DACH2: variants seen among roughly 807,000 people sequenced by gnomAD.
DACH2 encodes the protein dachshund family transcription factor 2, also known as dachshund homolog 2.
A neutral mutation model predicts 35.8 loss-of-function variants in DACH2; 17 were observed. The ratio of observed to expected loss-of-function variants is 0.48; its 90% CI spans 0.33 to 0.71. The LOEUF (loss-of-function observed/expected upper bound fraction) is 0.71. DACH2 is among the 30% of genes least tolerant of loss of function. DACH2 has a pLI of 0.02. For missense variants in DACH2, 469 were observed against 472.7 expected (o/e 0.99, Z 0.07); for synonymous variants, 195 against 177.3 (o/e 1.10, Z -0.79).
chrX:86,462,661 G>A (rs2037595893), intron 2 of DACH2, among the ~76,000 whole-genome samples: 1 of 111,421 alleles, frequency 9.0e-6, no homozygotes, highest in Non-Finnish European at 1.9e-5. Flanking sequence ...GTGTTTGGAT[G>A]CCCTGCTCAT....
At chrX:86,487,235 G>A (rs1310489746) in intron 2 of DACH2, among the ~76,000 whole-genome samples, 1 of 111,647 alleles carries the variant, frequency 9.0e-6, no homozygotes, top group African/African-American at 3.3e-5. Flanking sequence ...CATTGGAATT[G>A]TACTCACTTT....
intron 1 of DACH2, among the ~76,000 whole-genome samples, chrX:86,274,465 CTTTTTTTTTTGAGACGGAGTCTTTCTGT>C (rs2033873542): frequency 7.3e-5 from 1 of 13,738 alleles, no homozygotes; most frequent in Non-Finnish European, 1.2e-4. Flanking sequence ...TTTTTTTTTT[CTTTTTTTTTTGAGACGGAGTCTTTCTGT>C]TTTTTTTTTT....
intron 1 of DACH2, among the ~76,000 whole-genome samples, chrX:86,339,306 A>G (rs1301034624): frequency 1.8e-5 from 2 of 112,100 alleles, no homozygotes; most frequent in Admixed American, 9.5e-5. Context: ...TTCTCAAGAG[A>G]TCAGAGCAAG....
At chrX:86,316,570 T>C (rs2034911108) in intron 1 of DACH2, among the ~76,000 whole-genome samples, 1 of 111,724 alleles carries the variant, frequency 9.0e-6, no homozygotes, top group Non-Finnish European at 1.9e-5. Flanking sequence ...CTTTCTATCT[T>C]CTACAACTTA....
At chrX:86,398,756 A>T (rs1232218124) in intron 2 of DACH2, among the ~76,000 whole-genome samples, 2 of 111,994 alleles carry the variant, frequency 1.8e-5, no homozygotes, top group Non-Finnish European at 3.8e-5. Context: ...TCTGAGAGAC[A>T]GTTTGTTACA....
chrX:86,543,511 G>A (rs761917425), intron 3 of DACH2, among the ~76,000 whole-genome samples: 8 of 110,537 alleles, frequency 7.2e-5, no homozygotes, highest in African/African-American at 2.6e-4. Flanking sequence ...TAGAATTCAG[G>A]ATATGGATAG....
rs1445199127 is a variant in DACH2, at chrX:86,562,690, G to A, written c.640+48299G>A. On this transcript the variant is annotated intron_variant, in intron 3 of 11. Transcript: ENST00000373125. ...TGGTATTCTAGTTTTTAATCCAAGAGAGTTTTAATCCAAGCTTAGGAAGGT... is the reference window on the plus strand; with the variant it reads ...TGGTATTCTAGTTTTTAATCCAAGAAAGTTTTAATCCAAGCTTAGGAAGGT... Among the ~76,000 whole-genome samples, 3 of 111,354 alleles carry A rather than the reference G, an allele frequency of 2.7e-5. No individual in the cohort carries two copies. In the East Asian group the frequency reaches 8.6e-4, roughly 32 times the overall value.
chrX:86,379,649 G>C (rs1187444343), intron 2 of DACH2, among the ~76,000 whole-genome samples: 4 of 110,377 alleles, frequency 3.6e-5, no homozygotes, highest in African/African-American at 1.3e-4. Context: ...AAAAAGAAAA[G>C]TAAAAAAAGA....
intron 1 of DACH2, among the ~76,000 whole-genome samples, chrX:86,325,173 A>T (rs1431709849): frequency 4.5e-5 from 5 of 111,454 alleles, no homozygotes; most frequent in Non-Finnish European, 1.9e-5. Flanking sequence ...ATATCTCCAA[A>T]CCCGTATTTC....
chrX:86,308,830 T>C (rs183526323), intron 1 of DACH2, among the ~76,000 whole-genome samples: 32 of 111,619 alleles, frequency 2.9e-4, no homozygotes, highest in African/African-American at 1.0e-3. Context: ...AATGTGGTCC[T>C]TCAGTTAAAG....
rs762818278 is a variant in DACH2, at chrX:86,404,663, C to G, written c.527+27801C>G. On this transcript the variant is annotated intron_variant, in intron 2 of 11. Coordinates refer to ENST00000373125, the MANE Select transcript of DACH2 (RefSeq NM_053281.3). ...GGGTTTTCCAGGTGCACGATGCAAG[C>G]TGTTGTTGGATCTAACGTTCTGGGA... Among the ~76,000 whole-genome samples the G allele has an allele frequency of 4.8e-4, 54 of 111,714 alleles. 1 individual carries two copies. Among genetic ancestry groups the G allele is most frequent in the African/African-American group, 6.2e-4 (19 of 30,744 alleles).
intron 1 of DACH2, among the ~76,000 whole-genome samples, chrX:86,218,674 C>A (rs1440807826): frequency 8.9e-6 from 1 of 112,155 alleles, no homozygotes; most frequent in Non-Finnish European, 1.9e-5. Context: ...TTGAAGTTCT[C>A]AAATCCCACT....
At chrX:86,479,226 C>T (rs1268479561) in intron 2 of DACH2, among the ~76,000 whole-genome samples, 1 of 110,929 alleles carries the variant, frequency 9.0e-6, no homozygotes, top group African/African-American at 3.3e-5. Context: ...TGTGTGTGCC[C>T]GCTAGGGTCT....
chrX:86,429,181 G>A (rs887243825), intron 2 of DACH2, among the ~76,000 whole-genome samples: 5 of 110,271 alleles, frequency 4.5e-5, no homozygotes, highest in Middle Eastern at 4.7e-3. Flanking sequence ...GTGGGCTTCG[G>A]AAAATGCAGA....
At chrX:86,205,480 CCCTCCTTCCCTCCTTCCT>C in intron 1 of DACH2, among the ~76,000 whole-genome samples, 4 of 51,662 alleles carry the variant, frequency 7.7e-5, no homozygotes, top group African/African-American at 5.5e-4. Context: ...TTCCCTCCTT[CCCTCCTTCCCTCCTTCCT>C]TCCTTCCTTC....
intron 3 of DACH2, among the ~76,000 whole-genome samples, chrX:86,531,260 G>T (rs981299706): frequency 8.9e-6 from 1 of 112,069 alleles, no homozygotes; most frequent in Non-Finnish European, 1.9e-5. Context: ...ACAGAAATTT[G>T]CATGAGTAAC....
chrX:86,484,562 G>T (rs976727525), intron 2 of DACH2, among the ~76,000 whole-genome samples: 1 of 112,103 alleles, frequency 8.9e-6, no homozygotes, highest in Non-Finnish European at 1.9e-5. Context: ...CTTCAAAGGC[G>T]CTCTGACTTA....
chrX:86,255,871 A>G (rs923773503), intron 1 of DACH2, among the ~76,000 whole-genome samples: 1 of 111,781 alleles, frequency 8.9e-6, no homozygotes, highest in Non-Finnish European at 1.9e-5. Flanking sequence ...AAACACACAT[A>G]ATTAACACAA....
intron 7 of DACH2, among the ~76,000 whole-genome samples, chrX:86,810,464 TA>T (rs2042384109): frequency 8.9e-6 from 1 of 111,959 alleles, no homozygotes. Flanking sequence ...CTTCATTTTA[TA>T]ATAGTAGCTT....
Sources: allele counts gnomAD v4.1 joint callset (sites outside exome capture counted in the v4.1 genomes callset), GRCh38; gene constraint gnomAD v4.1.1; transcripts MANE v1.5; gene names NCBI Gene and HGNC (gene_info 2026-07-23, HGNC 2026-07-21).